Variants in FARS2 observed in about 807,000 individuals in gnomAD.
The protein encoded by FARS2 is phenylalanyl-tRNA synthetase 2, mitochondrial, also known as phenylalanine--tRNA ligase, mitochondrial.
In FARS2, 40 loss-of-function variants were observed where a neutral mutation model predicts 46.4. The ratio of observed to expected loss-of-function variants is 0.86; its 90% CI spans 0.67 to 1.12. The LOEUF is 1.12. Among genes scored for constraint, FARS2 ranks in the 50% most tolerant of loss-of-function variants. The pLI is 0.00. For missense variants in FARS2, 513 were observed against 567.9 expected, an observed-to-expected ratio of 0.90 and a Z score of 0.98; for synonymous variants, 234 against 214.9, an observed-to-expected ratio of 1.09 and a Z score of -0.78.
At chr6:5,557,648 T>G (rs1042156391) in intron 5 of FARS2, among the ~76,000 whole-genome samples, 3 of 152,176 alleles carry the variant, frequency 2.0e-5, no homozygotes, top group Non-Finnish European at 1.5e-5. Flanking sequence ...GATATTTTTA[T>G]GAACAGATGG....
chr6:5,720,336 G>GC (rs1409498586), intron 6 of FARS2, among the ~76,000 whole-genome samples: 8 of 152,154 alleles, frequency 5.3e-5, no homozygotes, highest in Non-Finnish European at 8.8e-5. Flanking sequence ...ACGTGTATGA[G>GC]CCCTAGTTAA....
intron 6 of FARS2, among the ~76,000 whole-genome samples, chr6:5,683,228 A>C (rs535397991): frequency 6.6e-6 from 1 of 152,310 alleles, no homozygotes; most frequent in Non-Finnish European, 1.5e-5. Context: ...GAGGGCGGGC[A>C]CAGGAATGGA....
chr6:5,538,155 A>G (rs1582390326), intron 4 of FARS2, among the ~76,000 whole-genome samples: 1 of 151,916 alleles, frequency 6.6e-6, no homozygotes, highest in African/African-American at 2.4e-5. Flanking sequence ...AGGCAAAAAA[A>G]AAAAAAAAAA....
intron 1 of FARS2, among the ~76,000 whole-genome samples, chr6:5,350,406 A>T (rs900242811): frequency 6.6e-6 from 1 of 152,162 alleles, no homozygotes; most frequent in Admixed American, 6.5e-5. Context: ...AGTCAGTAGG[A>T]TCACTTTAAC....
chr6:5,625,963 G>GT (rs975563881), intron 6 of FARS2, among the ~76,000 whole-genome samples: 2 of 152,152 alleles, frequency 1.3e-5, no homozygotes, highest in Non-Finnish European at 2.9e-5. Context: ...GCTTCAGCTG[G>GT]TTTTTTGCTT....
chr6:5,771,144 T>G, intron 6 of FARS2, 147 bp from the exon 7 acceptor site: 1 of 787,838 alleles, frequency 1.3e-6, no homozygotes, highest in Non-Finnish European at 2.0e-6. Context: ...CTGTATAAGA[T>G]GCAGATTGTT....
chr6:5,363,492 C>A (rs1311724296), intron 1 of FARS2, among the ~76,000 whole-genome samples: 2 of 151,930 alleles, frequency 1.3e-5, no homozygotes, highest in East Asian at 3.9e-4. Flanking sequence ...GTCTTCCACC[C>A]AGCATCACAT....
chr6:5,377,395 C>A (rs1452404622), intron 2 of FARS2, among the ~76,000 whole-genome samples: 1 of 152,148 alleles, frequency 6.6e-6, no homozygotes, highest in African/African-American at 2.4e-5. Flanking sequence ...GTCTTCATTC[C>A]CCTTTGATAA....
chr6:5,763,887 G>A (rs1762617512), intron 6 of FARS2, among the ~76,000 whole-genome samples: 1 of 151,262 alleles, frequency 6.6e-6, no homozygotes, highest in Non-Finnish European at 1.5e-5. Flanking sequence ...CACTGTTGCA[G>A]CCAAAGCTAA....
At chr6:5,270,009 A>G (rs1765833888) in intron 1 of FARS2, among the ~76,000 whole-genome samples, 1 of 152,256 alleles carries the variant, frequency 6.6e-6, no homozygotes, top group African/African-American at 2.4e-5. Flanking sequence ...TTTAAGAGTT[A>G]TAAAAGCCTG....
intron 6 of FARS2, among the ~76,000 whole-genome samples, chr6:5,687,323 T>C (rs1757316203): frequency 1.3e-5 from 2 of 152,362 alleles, no homozygotes; most frequent in African/African-American, 4.8e-5. Flanking sequence ...AGGGTTTTTA[T>C]GGTTTTAGGT....
intron 4 of FARS2, among the ~76,000 whole-genome samples, chr6:5,469,932 T>G (rs920439572): frequency 6.6e-6 from 1 of 152,230 alleles, no homozygotes; most frequent in Non-Finnish European, 1.5e-5. Context: ...TCTCTGAGTC[T>G]CATTCTTCTC....
chr6:5,609,467 C>T lies in FARS2; in HGVS notation c.1066-3702C>T, dbSNP rs555121681. On this transcript the variant is annotated intron_variant, in intron 5 of 6. Transcript: ENST00000274680. ...CATTACCAAATCCATTATAGCCATCCGCCCTGCCACCATATCCACCACCAT... is the reference window on the plus strand; with the variant it reads ...CATTACCAAATCCATTATAGCCATCTGCCCTGCCACCATATCCACCACCAT... 2.1e-4 allele frequency: 260 copies of T among 1,217,138 alleles called. No individual in the cohort carries two copies. The African/African-American group carries it at 2.9e-3, about 13-fold the overall frequency. The allele number at this position is 1,217,138 out of a possible 1,614,324, so 75.4% of individuals were successfully genotyped here. A position where few individuals can be genotyped will look rare whatever the true frequency, so the allele number is the denominator to read the frequency against.
chr6:5,252,941 C>T, the FARS2 span, among the ~76,000 whole-genome samples: 2 of 151,980 alleles, frequency 1.3e-5, no homozygotes, highest in Non-Finnish European at 2.9e-5. Context: ...CCAATTAAGC[C>T]CTGTGTAAGG....
In FARS2 at chr6:5,265,275, A is replaced by G. The variant is rs139388780; in HGVS notation, c.-22+3615A>G. The stretch of plus-strand genomic sequence containing the variant: ...GGAATGTGGTTAAAGATTGCAGTGT[A>G]TATCCAAGCATGGAGGAAGAAGGGT... On this transcript the variant is annotated intron_variant, in intron 1 of 6. Coordinates refer to ENST00000274680, the MANE Select transcript of FARS2 (RefSeq NM_006567.5). Among the ~76,000 whole-genome samples, 393 of 152,336 alleles carry G rather than the reference A, an allele frequency of 2.6e-3. 1 individual carries two copies. Among genetic ancestry groups the G allele is most frequent in the African/African-American group, 7.5e-3 (311 of 41,578 alleles).
At chr6:5,338,952 T>C (rs1296679443) in intron 1 of FARS2, among the ~76,000 whole-genome samples, 2 of 152,222 alleles carry the variant, frequency 1.3e-5, no homozygotes, top group Non-Finnish European at 2.9e-5. Context: ...TGTCAAGATA[T>C]GTACAGGTAT....
intron 1 of FARS2, among the ~76,000 whole-genome samples, chr6:5,283,034 C>T (rs1279076374): frequency 2.0e-5 from 3 of 151,268 alleles, no homozygotes; most frequent in East Asian, 3.9e-4. Flanking sequence ...GTCAGGAGTT[C>T]AAGACCAGAC....
At chr6:5,278,039 T>C (rs1291309573) in intron 1 of FARS2, among the ~76,000 whole-genome samples, 1 of 152,190 alleles carries the variant, frequency 6.6e-6, no homozygotes, top group Non-Finnish European at 1.5e-5. Context: ...TCATCTGTCA[T>C]TAATCTAAAT....
chr6:5,685,424 G>A (rs1757125182), intron 6 of FARS2, among the ~76,000 whole-genome samples: 2 of 152,226 alleles, frequency 1.3e-5, no homozygotes, highest in South Asian at 4.1e-4. Context: ...TCGTGGCCAC[G>A]GAGGTGAGCA....
Sources: gnomAD v4.1 joint callset for allele counts (sites outside exome capture counted in the v4.1 genomes callset) on GRCh38, gnomAD v4.1.1 for gene constraint, MANE v1.5 for transcripts, NCBI Gene and HGNC (gene_info 2026-07-23, HGNC 2026-07-21) for gene names.